Variants in SV2C observed in about 807,000 individuals in gnomAD.
SV2C encodes synaptic vesicle glycoprotein 2C, also known as solute carrier family 22 member B3.
A neutral mutation model predicts 79.7 loss-of-function variants in SV2C; 49 were observed. That is an observed-to-expected ratio of 0.61 (90% confidence interval 0.49 to 0.78). The LOEUF is 0.78. Among genes scored for constraint, SV2C ranks in the 30% least tolerant of loss-of-function variants. The probability of loss-of-function intolerance (pLI) is 0.00; values close to 1 mark genes in which losing one functional copy is unlikely to be tolerated. For missense variants in SV2C, 833 were observed against 912.9 expected (o/e 0.91, Z 1.13); for synonymous variants, 334 against 333.2 (o/e 1.00, Z -0.03).
chr5:76,128,930 A>G (rs1319121927), intron 1 of SV2C, among the ~76,000 whole-genome samples: 5 of 152,230 alleles, frequency 3.3e-5, no homozygotes, highest in Non-Finnish European at 5.9e-5. Flanking sequence ...TCCCATGTAG[A>G]TACAAATCTG....
At chr5:76,123,269 TG>T in intron 1 of SV2C, among the ~76,000 whole-genome samples, 1 of 152,246 alleles carries the variant, frequency 6.6e-6, no homozygotes, top group Admixed American at 6.5e-5. Context: ...CAGGACCAGA[TG>T]GATTCACAGC....
chr5:76,298,936 G>A lies in SV2C; in HGVS notation c.1636+9G>A, dbSNP rs1747879615. ...TGTTTTTGACAACACAGGTAGGTGT[G>A]CTACTTAGTACTGCCTCTACCTGAG... is the stretch of plus-strand genomic sequence containing the variant. On this transcript the variant is annotated intron_variant, in intron 10 of 12. Coordinates refer to ENST00000502798, the MANE Select transcript of SV2C (RefSeq NM_014979.4). 1.2e-6 allele frequency: 2 copies of A among 1,612,890 alleles called. No homozygotes were observed. Among genetic ancestry groups the A allele is most frequent in the Non-Finnish European group, 8.5e-7 (1 of 1,179,620 alleles).
chr5:76,003,221 C>T, the SV2C span, among the ~76,000 whole-genome samples: 1 of 152,134 alleles, frequency 6.6e-6, no homozygotes, highest in African/African-American at 2.4e-5. Flanking sequence ...AAACCTTAAA[C>T]CTCTTTCCTT....
At chr5:76,111,870 G>A (rs1748108857) in intron 1 of SV2C, among the ~76,000 whole-genome samples, 1 of 152,122 alleles carries the variant, frequency 6.6e-6, no homozygotes, top group Admixed American at 6.5e-5. Flanking sequence ...CTGGACACTT[G>A]TCCCGGGAAT....
intron 12 of SV2C, among the ~76,000 whole-genome samples, chr5:76,323,642 C>T (rs2913252): frequency 0.086 from 13,163 of 152,182 alleles, 625 homozygotes; most frequent in Admixed American, 0.13. Context: ...AACCCAAATG[C>T]CTATCAATGA....
Position 76,285,865 on chromosome 5 carries a change from T to C in SV2C, c.1132T>C (p.Phe378Leu), listed in dbSNP as rs547865662. Residue 378 changes from phenylalanine to leucine, a missense_variant, in exon 6 of 13, where the codon TTC becomes CTC. Phe to Leu is a conservative substitution (Grantham distance 22). Coordinates refer to ENST00000502798, the MANE Select transcript of SV2C (RefSeq NM_014979.4). Reference protein sequence around the residue: ...MRARGQPEKVFTVNKIKTPKQ... With the variant: ...MRARGQPEKVLTVNKIKTPKQ... The stretch of plus-strand genomic sequence containing the variant: ...AGCCCGGGGTCAGCCTGAGAAGGTC[T>C]TCACGGTGAGTCTTCTCCCCAGAGA... 1.2e-6 allele frequency: 2 copies of C among 1,613,720 alleles called. No individual in the cohort carries two copies.
the SV2C span, among the ~76,000 whole-genome samples, chr5:76,060,407 C>A: frequency 6.6e-6 from 1 of 152,146 alleles, no homozygotes; most frequent in African/African-American, 2.4e-5. Context: ...GGATAACTTG[C>A]TGCAGCTTCT....
At chr5:76,023,684 G>GTGTA in the SV2C span, among the ~76,000 whole-genome samples, 310 of 148,576 alleles carry the variant, frequency 2.1e-3, no homozygotes, top group Non-Finnish European at 2.5e-3. Flanking sequence ...ATGTGTGTGT[G>GTGTA]TATATATATA....
chr5:76,054,700 G>GT, the SV2C span, among the ~76,000 whole-genome samples: 1 of 152,050 alleles, frequency 6.6e-6, no homozygotes, highest in African/African-American at 2.4e-5. Flanking sequence ...CTGGCATGAG[G>GT]TTTTATCTCA....
intron 1 of SV2C, among the ~76,000 whole-genome samples, chr5:76,102,787 T>A (rs2047541647): frequency 6.6e-6 from 1 of 152,184 alleles, no homozygotes; most frequent in Non-Finnish European, 1.5e-5. Context: ...TGTTGAGAGA[T>A]GTTGAATAAA....
chr5:76,035,117 G>A, the SV2C span, among the ~76,000 whole-genome samples: 31 of 151,878 alleles, frequency 2.0e-4, no homozygotes, highest in East Asian at 1.4e-3. Flanking sequence ...TTTTTATTGC[G>A]TCTATTTGAT....
At chr5:76,066,485 T>C in the SV2C span, among the ~76,000 whole-genome samples, 653 of 146,646 alleles carry the variant, frequency 4.5e-3, 4 homozygotes, top group African/African-American at 0.015. Context: ...GGGAAAGCAT[T>C]AGGAGACATA....
chr5:76,269,752 G>A (rs778062928), intron 4 of SV2C, among the ~76,000 whole-genome samples: 1 of 152,132 alleles, frequency 6.6e-6, no homozygotes, highest in African/African-American at 2.4e-5. Context: ...GCCTATGCTC[G>A]AGCACTTTGT....
the SV2C span, among the ~76,000 whole-genome samples, chr5:75,872,859 T>G: frequency 2.0e-5 from 3 of 151,778 alleles, no homozygotes; most frequent in Non-Finnish European, 4.4e-5. Context: ...TGTATACATA[T>G]GTAACAAACC....
the SV2C span, among the ~76,000 whole-genome samples, chr5:76,059,694 A>G: frequency 2.0e-5 from 3 of 152,046 alleles, no homozygotes; most frequent in Admixed American, 2.0e-4. Context: ...ATTTCTTCCA[A>G]ACTCCTGTTC....
intron 4 of SV2C, among the ~76,000 whole-genome samples, chr5:76,231,843 G>T (rs1323775015): frequency 1.4e-5 from 2 of 146,144 alleles, no homozygotes; most frequent in Admixed American, 6.6e-5. Flanking sequence ...ATCACTGTTG[G>T]ACATTTGGGT....
In SV2C at chr5:76,102,517, T is replaced by C. The variant is rs542720305; in HGVS notation, c.-102+19005T>C. ...TCTTGTCTGTATTTTGAAGGTTCAC[T>C]CTGGTGAACCCAGGAGGTGACACAG... On this transcript the variant is annotated intron_variant, in intron 1 of 12. Transcript: ENST00000502798. Among the ~76,000 whole-genome samples, 298 of 152,334 alleles carry C rather than the reference T, an allele frequency of 2.0e-3. 2 individuals are homozygous for C. The highest frequency in any genetic ancestry group is 6.8e-3 in the African/African-American group (281 of 41,588).
the SV2C span, among the ~76,000 whole-genome samples, chr5:75,883,843 T>TAAA: frequency 2.1e-3 from 305 of 146,060 alleles, no homozygotes; most frequent in African/African-American, 7.6e-3. Flanking sequence ...ATAATAATAT[T>TAAA]TAAAAAAAAA....
intron 12 of SV2C, among the ~76,000 whole-genome samples, chr5:76,320,650 G>T (rs1157376719): frequency 3.9e-5 from 6 of 152,290 alleles, no homozygotes; most frequent in South Asian, 2.1e-4. Flanking sequence ...AGGTGGGGGA[G>T]GTGGGGACGG....
Sources: allele counts gnomAD v4.1 joint callset (sites outside exome capture counted in the v4.1 genomes callset), GRCh38; gene constraint gnomAD v4.1.1; transcripts MANE v1.5; gene names NCBI Gene and HGNC (gene_info 2026-07-23, HGNC 2026-07-21).